VASH1: variants seen among roughly 807,000 people sequenced by gnomAD.
VASH1 encodes tubulinyl-Tyr carboxypeptidase 1.
A neutral mutation model predicts 35.0 loss-of-function variants in VASH1; 16 were observed. That is an observed-to-expected ratio of 0.46 (90% confidence interval 0.31 to 0.70). The LOEUF is 0.70. Among genes scored for constraint, VASH1 ranks in the 30% least tolerant of loss-of-function variants. The pLI, the probability that VASH1 is intolerant of heterozygous loss-of-function variation, is 0.05. For missense variants in VASH1, 505 were observed against 510.7 expected, an observed-to-expected ratio of 0.99 and a Z score of 0.11; for synonymous variants, 214 against 200.9, an observed-to-expected ratio of 1.07 and a Z score of -0.55.
At position 76,775,953 on chromosome 14, in the gene VASH1, T is replaced by G; in HGVS notation, c.592T>G (p.Ser198Ala). 1 of 1,609,536 alleles carries G rather than the reference T, an allele frequency of 6.2e-7. No homozygotes were observed. The highest frequency in any genetic ancestry group is 8.5e-7 in the Non-Finnish European group (1 of 1,178,228). Residue 198 changes from serine (S) to alanine (A), a missense_variant, in exon 5 of 7, where the codon TCA becomes GCA. By Grantham distance (99) the Ser-to-Ala change is moderately conservative (BLOSUM62 1). Transcript: ENST00000167106. ...CCCCATCAGCTTCAAGACCTACTTC[T>G]CAGGGAACTACTTCCGCCACATCGT... is the stretch of plus-strand genomic sequence containing the variant. ...RFPISFKTYF[S>A]GNYFRHIVLG...
chr14:76,773,411 C>A, intron 4 of VASH1, 200 bp downstream of exon 4: 1 of 579,236 alleles, frequency 1.7e-6, no homozygotes, highest in South Asian at 2.3e-5. Context: ...CCCAGTACCC[C>A]ACATCTCAGT....
intron 2 of VASH1, among the ~76,000 whole-genome samples, chr14:76,770,751 A>G (rs1893772085): frequency 6.6e-6 from 1 of 152,134 alleles, no homozygotes; most frequent in South Asian, 2.1e-4. Context: ...CAGGCTGATG[A>G]CTGCATATCG....
intron 5 of VASH1, 149 bp from the exon 6 acceptor site, chr14:76,777,810 T>A (rs1352267824): frequency 6.0e-6 from 3 of 501,544 alleles, no homozygotes; most frequent in East Asian, 3.6e-5. Flanking sequence ...GGGAAATAGG[T>A]TGGGAAAGAT....
rs1407298410 is a variant in VASH1, at chr14:76,761,607, C to A, written c.-1215C>A. On this transcript the variant is annotated 5_prime_UTR_variant, in exon 1 of 7. Coordinates refer to ENST00000167106, the MANE Select transcript of VASH1 (RefSeq NM_014909.5). ...GATCGGCTGGTGGGCTTCTCGTTGG[C>A]GGGCTCCGCGTTGGCGGGCTGCTCC... Among the ~76,000 whole-genome samples, 2 of 151,956 alleles carry A rather than the reference C, an allele frequency of 1.3e-5. No individual in the cohort carries two copies. Among genetic ancestry groups the A allele is most frequent in the Non-Finnish European group, 2.9e-5 (2 of 67,948 alleles).
intron 3 of VASH1, among the ~76,000 whole-genome samples, chr14:76,772,010 G>T (rs1198981340): frequency 3.9e-5 from 6 of 152,204 alleles, no homozygotes; most frequent in East Asian, 1.9e-4. Context: ...GGGAGGCCGA[G>T]GTGGGCGGAT....
chr14:76,771,849 GC>G (rs891057904), intron 3 of VASH1, among the ~76,000 whole-genome samples: 2 of 152,222 alleles, frequency 1.3e-5, no homozygotes, highest in African/African-American at 4.8e-5. Flanking sequence ...TGCCCATGAA[GC>G]CCCGAGGGCA....
intron 4 of VASH1, among the ~76,000 whole-genome samples, chr14:76,775,539 G>A (rs1882838): frequency 0.72 from 110,091 of 151,970 alleles, 40,274 homozygotes; most frequent in African/African-American, 0.8. Context: ...GGGATGGAGG[G>A]CGAGGGAGTG....
In VASH1 at chr14:76,763,188, C is replaced by T. The variant is rs184005337; in HGVS notation, c.309+58C>T. The T allele has an allele frequency of 8.4e-5, 115 of 1,365,074 alleles. No individual in the cohort carries two copies. The African/African-American group carries it at 1.4e-3, about 17-fold the overall frequency. The allele number at this position is 1,365,074 out of a possible 1,614,324, so 84.6% of individuals were successfully genotyped here. On this transcript the variant is annotated intron_variant, in intron 1 of 6. Transcript: ENST00000167106. Reference sequence around the variant, plus strand: ...AGTCTAGGTTTTAGTGACCTTGGGGCCAAGAGTGAAGCCACACTCTCCTCC... The same window carrying T: ...AGTCTAGGTTTTAGTGACCTTGGGGTCAAGAGTGAAGCCACACTCTCCTCC...
chr14:76,775,934 C>A lies in VASH1; in HGVS notation c.573C>A (p.Ile191=), dbSNP rs376565197. The change falls in exon 5 of 7, where the codon ATC becomes ATA. Residue 191 remains isoleucine, a synonymous_variant. Transcript: ENST00000167106. ...TGCCCACCCTGGAGCGCTTCCCCAT[C>A]AGCTTCAAGACCTACTTCTCAGGGA... ...NSMPTLERFP[I]SFKTYFSGNY... 3.9e-5 allele frequency: 63 copies of A among 1,604,756 alleles called. No individual in the cohort carries two copies. Among genetic ancestry groups the A allele is most frequent in the Non-Finnish European group, 4.7e-5 (55 of 1,175,664 alleles).
intron 1 of VASH1, chr14:76,769,246 G>A: frequency 7.9e-7 from 1 of 1,261,400 alleles, no homozygotes; most frequent in South Asian, 1.3e-5. Flanking sequence ...GTGCGTTCTG[G>A]GGAGGAAGAC....
At position 76,776,262 on chromosome 14, in the gene VASH1, A is replaced by G; in HGVS notation, c.901A>G (p.Met301Val). ...RKELERHARD[M>V]RLKIGKGTGP... The stretch of plus-strand genomic sequence containing the variant: ...GGAGCTGGAGCGCCACGCCCGCGAC[A>G]TGCGGCTCAAGGTCTGCCCGCCTTC... Residue 301 changes from methionine to valine, a missense_variant, in exon 5 of 7, where the codon ATG becomes GTG. Coordinates refer to ENST00000167106, the MANE Select transcript of VASH1 (RefSeq NM_014909.5). 6.3e-7 allele frequency: 1 copy of G among 1,593,716 alleles called. No individual in the cohort carries two copies. Among genetic ancestry groups the G allele is most frequent in the East Asian group, 2.2e-5 (1 of 44,526 alleles).
intron 1 of VASH1, among the ~76,000 whole-genome samples, chr14:76,769,677 A>G (rs192741467): frequency 2.6e-5 from 4 of 152,320 alleles, no homozygotes; most frequent in African/African-American, 9.6e-5. Context: ...CAGTGAATTA[A>G]CCTATGTTTT....
At chr14:76,777,613 T>C (rs1235828589) in intron 5 of VASH1, among the ~76,000 whole-genome samples, 2 of 152,112 alleles carry the variant, frequency 1.3e-5, no homozygotes, top group African/African-American at 4.8e-5. Flanking sequence ...TTGGGGTGAG[T>C]GGGATCTCAG....
At chr14:76,772,637 G>T (rs1893822979) in intron 3 of VASH1, among the ~76,000 whole-genome samples, 1 of 152,248 alleles carries the variant, frequency 6.6e-6, no homozygotes, top group Admixed American at 6.5e-5. Context: ...ATCTGCCTAA[G>T]ATCCCACATC....
intron 1 of VASH1, chr14:76,769,503 C>G (rs1003451444): frequency 1.1e-4 from 138 of 1,287,462 alleles, no homozygotes; most frequent in Non-Finnish European, 1.4e-4. Flanking sequence ...GCTCACCCCC[C>G]TCAGGACCAC....
In VASH1 at chr14:76,762,791, C is replaced by T. The variant is rs757227284; in HGVS notation, c.-31C>T. ...GCCTCTTGTGAGCCAGTTGTTTTCC[C>T]GCCTCCACCACCCCCCTCGAAGATT... On this transcript the variant is annotated 5_prime_UTR_variant, in exon 1 of 7. Coordinates refer to ENST00000167106, the MANE Select transcript of VASH1 (RefSeq NM_014909.5). 3.5e-6 allele frequency: 5 copies of T among 1,438,136 alleles called. No individual in the cohort carries two copies. Among genetic ancestry groups the T allele is most frequent in the Admixed American group, 5.8e-5 (2 of 34,378 alleles). 89.1% of individuals were successfully genotyped at this position (1,438,136 alleles called of 1,614,324 possible).
intron 3 of VASH1, 77 bp from the exon 4 acceptor site, chr14:76,773,060 C>T: frequency 6.9e-7 from 1 of 1,448,194 alleles, no homozygotes; most frequent in South Asian, 1.2e-5. Flanking sequence ...TTCTAGTCCA[C>T]CCTGCCCCCT....
chr14:76,771,540 A>G (rs1365251162), intron 3 of VASH1, among the ~76,000 whole-genome samples: 1 of 152,180 alleles, frequency 6.6e-6, no homozygotes, highest in Middle Eastern at 3.2e-3. Context: ...GGGTGGTCCT[A>G]GGTGGATTGT....
chr14:76,776,055 G>A lies in VASH1; in HGVS notation c.694G>A (p.Ala232Thr), dbSNP rs763631120. ...RREDLMYKPP[A>T]FRTLSELVLD... ...CGAGGACCTGATGTACAAGCCGCCC[G>A]CCTTCCGCACGCTCAGCGAGCTCGT... Residue 232 changes from alanine (A) to threonine (T), a missense_variant, in exon 5 of 7, where the codon GCC becomes ACC. By Grantham distance (58) the Ala-to-Thr change is moderately conservative. Transcript: ENST00000167106. 2.5e-6 allele frequency: 4 copies of A among 1,610,118 alleles called. No homozygotes were observed. The Admixed American group carries it at 5.0e-5, about 20-fold the overall frequency.
Sources: allele counts gnomAD v4.1 joint callset (sites outside exome capture counted in the v4.1 genomes callset), GRCh38; gene constraint gnomAD v4.1.1; transcripts MANE v1.5; gene names NCBI Gene and HGNC (gene_info 2026-07-23, HGNC 2026-07-21).